Variants in NAALADL2 observed in about 807,000 individuals in gnomAD.
NAALADL2 encodes inactive N-acetylated-alpha-linked acidic dipeptidase-like protein 2.
Under a neutral mutation model 87.2 loss-of-function variants are expected in NAALADL2, and 76 were observed. That is an observed-to-expected ratio of 0.87 (90% CI 0.72 to 1.05). NAALADL2 has a LOEUF of 1.05. Ranked by LOEUF, NAALADL2 falls within the 50% of genes least tolerant of loss-of-function variation. The pLI is 0.00. For synonymous variants in NAALADL2, 354 were observed against 331.0 expected (o/e 1.07, Z -0.75); for missense variants, 1,089 against 945.8 (o/e 1.15, Z -1.99).
intron 1 of NAALADL2, among the ~76,000 whole-genome samples, chr3:174,534,942 T>C (rs1721594775): frequency 6.6e-6 from 1 of 152,188 alleles, no homozygotes; most frequent in Non-Finnish European, 1.5e-5. Context: ...TGTTAAAAAA[T>C]ATATTGATTT....
At chr3:175,286,010 C>T (rs1754928526) in intron 4 of NAALADL2, among the ~76,000 whole-genome samples, 1 of 152,074 alleles carries the variant, frequency 6.6e-6, no homozygotes, top group Non-Finnish European at 1.5e-5. Flanking sequence ...GTTGTAAAAA[C>T]TTGTTCAAAA....
At chr3:175,380,320 GA>G (rs2148982445) in intron 5 of NAALADL2, among the ~76,000 whole-genome samples, 1 of 152,234 alleles carries the variant, frequency 6.6e-6, no homozygotes, top group African/African-American at 2.4e-5. Context: ...CATTTTGAAA[GA>G]ATGTCTGTGT....
chr3:175,724,595 T>C (rs909492611), intron 11 of NAALADL2, among the ~76,000 whole-genome samples: 1 of 152,150 alleles, frequency 6.6e-6, no homozygotes, highest in Non-Finnish European at 1.5e-5. Flanking sequence ...GCATTAACAA[T>C]GTAATTGCAT....
chr3:175,798,095 C>CAA (rs555011367), intron 13 of NAALADL2, among the ~76,000 whole-genome samples: 2 of 151,170 alleles, frequency 1.3e-5, no homozygotes, highest in Non-Finnish European at 3.0e-5. Context: ...TTTCAGCACA[C>CAA]AAAAAAAACT....
intron 2 of NAALADL2, among the ~76,000 whole-genome samples, chr3:175,117,573 C>T (rs569982806): frequency 6.6e-6 from 1 of 150,698 alleles, no homozygotes; most frequent in Non-Finnish European, 1.5e-5. Context: ...GAGGTACCAT[C>T]TCACACCAGT....
intron 10 of NAALADL2, among the ~76,000 whole-genome samples, chr3:175,598,709 A>G (rs1264576070): frequency 3.3e-5 from 5 of 152,094 alleles, no homozygotes; most frequent in Admixed American, 3.3e-4. Context: ...TGAGAAATAT[A>G]TATGATGTTC....
intron 1 of NAALADL2, among the ~76,000 whole-genome samples, chr3:175,069,636 A>G (rs1715218684): frequency 6.6e-6 from 1 of 151,448 alleles, no homozygotes; most frequent in Admixed American, 6.6e-5. Flanking sequence ...TAGAAATACC[A>G]TTTGACCCAG....
chr3:175,376,810 T>C (rs1767182136), intron 5 of NAALADL2, among the ~76,000 whole-genome samples: 1 of 152,198 alleles, frequency 6.6e-6, no homozygotes, highest in African/African-American at 2.4e-5. Flanking sequence ...CAGCCTTTCT[T>C]TTTATTTTAC....
In NAALADL2 at chr3:175,806,720, C is replaced by T. The variant is rs1442807092; in HGVS notation, c.*3517C>T. 5.0e-5 allele frequency: 7 copies of T among 139,700 alleles called. No homozygotes were observed. Among genetic ancestry groups the T allele is most frequent in the Non-Finnish European group, 9.3e-5 (6 of 64,778 alleles). 8.7% of individuals were successfully genotyped at this position (139,700 alleles called of 1,614,324 possible). A position where few individuals can be genotyped will look rare whatever the true frequency, so the allele number is the denominator to read the frequency against. On this transcript the variant is annotated 3_prime_UTR_variant, in exon 14 of 14. Transcript: ENST00000454872. ...TTTTTTTTTTTTTTTTTTTTAATTC[C>T]CACAACAACCCATTTCAAAATGAGA...
chr3:174,987,593 A>C (rs1021262677), intron 1 of NAALADL2, among the ~76,000 whole-genome samples: 8 of 142,668 alleles, frequency 5.6e-5, no homozygotes, highest in Non-Finnish European at 1.1e-4. Context: ...AAAAAAAAAA[A>C]AAAAACAATA....
intron 2 of NAALADL2, among the ~76,000 whole-genome samples, chr3:175,099,980 ATAT>A (rs1413550251): frequency 1.3e-5 from 2 of 151,144 alleles, no homozygotes; most frequent in African/African-American, 2.4e-5. Flanking sequence ...TAGATTTTTC[ATAT>A]TATATTACAA....
At chr3:174,962,148 C>T (rs4271926) in intron 1 of NAALADL2, among the ~76,000 whole-genome samples, 87,050 of 151,132 alleles carry the variant, frequency 0.58, 26,097 homozygotes, top group African/African-American at 0.68. Context: ...TGAGATCTCT[C>T]GCCAACAGCC....
chr3:175,786,033 C>T (rs1751897165), intron 13 of NAALADL2, among the ~76,000 whole-genome samples: 1 of 152,196 alleles, frequency 6.6e-6, no homozygotes, highest in African/African-American at 2.4e-5. Context: ...TCAGCCCCCA[C>T]TCTCTTCTGG....
At chr3:174,593,327 A>G (rs925336321) in intron 2 of NAALADL2, among the ~76,000 whole-genome samples, 5 of 152,168 alleles carry the variant, frequency 3.3e-5, no homozygotes, top group East Asian at 3.9e-4. Context: ...TGGTTAGTAC[A>G]TGTCAGACAC....
At chr3:174,743,185 A>T (rs1733922923) in intron 3 of NAALADL2, among the ~76,000 whole-genome samples, 2 of 151,746 alleles carry the variant, frequency 1.3e-5, no homozygotes. Context: ...TTGGAATTAG[A>T]GTCCCGATCT....
intron 1 of NAALADL2, among the ~76,000 whole-genome samples, chr3:174,919,628 A>G (rs1205669540): frequency 2.0e-5 from 3 of 152,200 alleles, no homozygotes; most frequent in African/African-American, 7.2e-5. Flanking sequence ...CTCATCCATG[A>G]GGGTTGGAAT....
chr3:175,191,661 G>A (rs1738228957), intron 2 of NAALADL2, among the ~76,000 whole-genome samples: 1 of 152,124 alleles, frequency 6.6e-6, no homozygotes, highest in East Asian at 1.9e-4. Flanking sequence ...GAGCGATAAA[G>A]TTTATTTGAT....
At chr3:175,276,253 T>TA (rs1315833085) in intron 4 of NAALADL2, among the ~76,000 whole-genome samples, 1 of 151,760 alleles carries the variant, frequency 6.6e-6, no homozygotes, top group Non-Finnish European at 1.5e-5. Context: ...GTGGTACAAT[T>TA]AAAAAATAAT....
chr3:175,245,842 A>G (rs1273565630), intron 3 of NAALADL2, among the ~76,000 whole-genome samples: 2 of 152,140 alleles, frequency 1.3e-5, no homozygotes, highest in Admixed American at 6.6e-5. Context: ...ATTTTAACTG[A>G]CTAGAACTTG....
Sources: gnomAD v4.1 joint callset for allele counts (sites outside exome capture counted in the v4.1 genomes callset) on GRCh38, gnomAD v4.1.1 for gene constraint, MANE v1.5 for transcripts, NCBI Gene and HGNC (gene_info 2026-07-23, HGNC 2026-07-21) for gene names.